Variants in COLEC11 observed in about 807,000 individuals in gnomAD.
COLEC11 encodes collectin subfamily member 11.
In COLEC11, 20 loss-of-function variants were observed where a neutral mutation model predicts 27.3. The observed-to-expected ratio is 0.73, with a 90% CI of 0.51 to 1.06. COLEC11 has a LOEUF of 1.06. Among genes scored for constraint, COLEC11 ranks in the 50% least tolerant of loss-of-function variants. COLEC11 has a pLI of 0.00. For missense variants in COLEC11, 310 were observed against 383.0 expected, an observed-to-expected ratio of 0.81 and a Z score of 1.59; for synonymous variants, 163 against 154.7, an observed-to-expected ratio of 1.05 and a Z score of -0.40.
chr2:3,639,750 C>T (rs1197801542), intron 4 of COLEC11, among the ~76,000 whole-genome samples: 1 of 138,738 alleles, frequency 7.2e-6, no homozygotes, highest in African/African-American at 3.5e-5. Context: ...TGGGTCCAGG[C>T]CAGGATGGAG....
At chr2:3,635,178 T>C (rs960870840) in intron 3 of COLEC11, among the ~76,000 whole-genome samples, 4 of 136,742 alleles carry the variant, frequency 2.9e-5, no homozygotes, top group African/African-American at 8.2e-5. Context: ...TCTCCAGAGC[T>C]GTGTCTCCCT....
chr2:3,604,940 T>A, intron 2 of COLEC11: 1 of 429,314 alleles, frequency 2.3e-6, no homozygotes. Flanking sequence ...GGTCTAGTGG[T>A]TAGGGGAAAA....
Position 3,644,280 on chromosome 2 carries a change from T to A in COLEC11, c.*162T>A. 1 of 885,848 alleles carries A rather than the reference T, an allele frequency of 1.1e-6. No homozygotes were observed. The highest frequency in any genetic ancestry group is 1.8e-6 in the Non-Finnish European group (1 of 553,756). 54.9% of individuals were successfully genotyped at this position (885,848 alleles called of 1,614,324 possible). ...CTAAACTGAGAAAATGGCCTATGCT[T>A]AAGAGGAAAATGAAAGTGTTCCTGG... On this transcript the variant is annotated 3_prime_UTR_variant, in exon 7 of 7. Transcript: ENST00000349077.
chr2:3,620,880 T>C (rs1223620195), intron 3 of COLEC11, among the ~76,000 whole-genome samples: 1 of 152,220 alleles, frequency 6.6e-6, no homozygotes, highest in Non-Finnish European at 1.5e-5. Flanking sequence ...TTTATCCTGT[T>C]GTGGTTAGAA....
chr2:3,613,242 C>G (rs962459305), intron 2 of COLEC11, 69 bp from the exon 3 acceptor site: 12 of 1,514,416 alleles, frequency 7.9e-6, no homozygotes, highest in Non-Finnish European at 9.9e-6. Flanking sequence ...ACTGTTCTTC[C>G]TCCACAAATC....
chr2:3,626,413 C>T (rs1010363258), intron 3 of COLEC11, among the ~76,000 whole-genome samples: 2 of 151,996 alleles, frequency 1.3e-5, no homozygotes, highest in African/African-American at 4.8e-5. Flanking sequence ...TTTTTCTGTA[C>T]CTGTAAAATG....
At chr2:3,616,084 T>C (rs1225419138) in intron 3 of COLEC11, among the ~76,000 whole-genome samples, 4 of 140,694 alleles carry the variant, frequency 2.8e-5, no homozygotes, top group African/African-American at 1.1e-4. Context: ...CCAGACGGGG[T>C]GGCGGTCGGG....
intron 3 of COLEC11, among the ~76,000 whole-genome samples, chr2:3,624,565 A>G (rs1350142201): frequency 6.6e-6 from 1 of 152,164 alleles, no homozygotes; most frequent in African/African-American, 2.4e-5. Flanking sequence ...TCCAGTGGGA[A>G]AAAACATGGG....
chr2:3,613,169 G>C, intron 2 of COLEC11, 142 bp from the exon 3 acceptor site: 3 of 843,578 alleles, frequency 3.6e-6, no homozygotes, highest in East Asian at 5.3e-5. Flanking sequence ...GGCTGCAGGC[G>C]GGGAGGGAGG....
intron 2 of COLEC11, chr2:3,605,996 G>C: frequency 6.9e-7 from 1 of 1,440,968 alleles, no homozygotes; most frequent in Non-Finnish European, 9.3e-7. Context: ...ACCTGCTTTA[G>C]AAAATGTTTA....
At chr2:3,633,383 C>G (rs557357419) in intron 3 of COLEC11, among the ~76,000 whole-genome samples, 1 of 152,354 alleles carries the variant, frequency 6.6e-6, no homozygotes, top group East Asian at 1.9e-4. Flanking sequence ...GGCCTTTAGC[C>G]ATCTCTGAAT....
chr2:3,606,302 C>T (rs1662694502), intron 2 of COLEC11: 9 of 1,447,402 alleles, frequency 6.2e-6, no homozygotes, highest in East Asian at 2.5e-5. Context: ...TTCTGGGCGC[C>T]GCCTTTCCCA....
chr2:3,639,304 G>C (rs1047687340), intron 4 of COLEC11, among the ~76,000 whole-genome samples: 8 of 152,208 alleles, frequency 5.3e-5, no homozygotes, highest in African/African-American at 1.9e-4. Flanking sequence ...TTACCATGCG[G>C]TGTGTGCTCT....
intron 3 of COLEC11, among the ~76,000 whole-genome samples, chr2:3,632,748 G>C (rs535068176): frequency 6.6e-6 from 1 of 152,312 alleles, no homozygotes; most frequent in East Asian, 1.9e-4. Context: ...GTCTACCTGG[G>C]AGTATTCTAA....
At chr2:3,638,490 GTTC>G (rs1035801345) in intron 4 of COLEC11, among the ~76,000 whole-genome samples, 1 of 152,218 alleles carries the variant, frequency 6.6e-6, no homozygotes, top group African/African-American at 2.4e-5. Flanking sequence ...CAGGGGCCAG[GTTC>G]TTCTACCTCA....
rs566029641 is a variant in COLEC11 at position 3,616,236 on chromosome 2, A to G, written c.202+2854A>G. 3.2e-3 allele frequency among the ~76,000 whole-genome samples: 430 copies of G among 133,070 alleles called. 1 individual carries two copies. The highest frequency in any genetic ancestry group is 0.012 in the African/African-American group (396 of 31,974). 87.3% of individuals were successfully genotyped at this position (133,070 alleles called of 152,430 possible). ...CAGAGACGCTCCTCACTTCCCAGAC[A>G]GGATGGCGGCCGGGAAGAGGCGCTC... On this transcript the variant is annotated intron_variant, in intron 3 of 6. Transcript: ENST00000349077.
At position 3,621,256 on chromosome 2, in the gene COLEC11, C is replaced by T. The variant is rs113054110; in HGVS notation, c.202+7874C>T. ...GATTATGTTTTCTTGATGAATTGAC[C>T]TTTTATCATTATATAAAAACCCTTT... On this transcript the variant is annotated intron_variant, in intron 3 of 6. Coordinates refer to ENST00000349077, the MANE Select transcript of COLEC11 (RefSeq NM_024027.5). 2.7e-3 allele frequency among the ~76,000 whole-genome samples: 411 copies of T among 152,266 alleles called. 1 individual carries two copies. The highest frequency in any genetic ancestry group is 9.3e-3 in the African/African-American group (385 of 41,550).
At chr2:3,597,064 G>A (rs1174844098) in intron 1 of COLEC11, among the ~76,000 whole-genome samples, 2 of 152,230 alleles carry the variant, frequency 1.3e-5, no homozygotes, top group Non-Finnish European at 2.9e-5. Flanking sequence ...TGAGTGGAGC[G>A]AGTGAAGGCA....
chr2:3,603,982 G>A (rs1453158101), intron 1 of COLEC11: 2 of 565,330 alleles, frequency 3.5e-6, no homozygotes, highest in South Asian at 2.2e-5. Flanking sequence ...TATGCTGTGT[G>A]GAGACCCCTA....
Sources: gnomAD v4.1 joint callset for allele counts (sites outside exome capture counted in the v4.1 genomes callset) on GRCh38, gnomAD v4.1.1 for gene constraint, MANE v1.5 for transcripts, NCBI Gene and HGNC (gene_info 2026-07-23, HGNC 2026-07-21) for gene names.